MMRN1: variants seen among roughly 807,000 people sequenced by gnomAD.
The protein encoded by MMRN1 is multimerin 1.
MMRN1 carries 94 observed loss-of-function variants against 100.7 expected under a neutral mutation model. The ratio of observed to expected loss-of-function variants is 0.93; its 90% CI spans 0.79 to 1.11. The LOEUF (loss-of-function observed/expected upper bound fraction) is 1.11. MMRN1 is among the 50% of genes least tolerant of loss of function. The pLI is 0.00. For synonymous variants in MMRN1, 575 were observed against 505.0 expected (o/e 1.14, Z -1.86); for missense variants, 1,606 against 1,439.1 (o/e 1.12, Z -1.88).
chr4:89,914,894 G>A (rs143308273), intron 3 of MMRN1, among the ~76,000 whole-genome samples: 7 of 151,558 alleles, frequency 4.6e-5, no homozygotes, highest in African/African-American at 1.7e-4. Context: ...AGATTACAGA[G>A]GATGAAGAAA....
rs200896939 is a variant in MMRN1, at chr4:89,895,610, T to G, written c.623+16T>G. The G allele has an allele frequency of 6.2e-6, 10 of 1,601,038 alleles. No homozygotes were observed. The highest frequency in any genetic ancestry group is 8.5e-6 in the Non-Finnish European group (10 of 1,173,252). On this transcript the variant is annotated intron_variant, in intron 1 of 7. Transcript: ENST00000264790. ...CTAGAGGAAAGTAAGAAATCTTCTT[T>G]TCTTTTTGTTCTTTCTCTGTCTATC...
intron 4 of MMRN1, among the ~76,000 whole-genome samples, chr4:89,927,294 A>T (rs1560590953): frequency 6.6e-6 from 1 of 151,876 alleles, no homozygotes; most frequent in Non-Finnish European, 1.5e-5. Flanking sequence ...AATTTCTTTC[A>T]TTAGTGTTTT....
chr4:89,895,813 T>A (rs1426223349), intron 1 of MMRN1, among the ~76,000 whole-genome samples: 3 of 152,286 alleles, frequency 2.0e-5, no homozygotes, highest in East Asian at 3.9e-4. Flanking sequence ...ACTGAAATAA[T>A]CATTCACTTT....
Position 89,951,743 on chromosome 4 carries a change from TA to T in MMRN1, c.3258del (p.Ala1087LeufsTer25), listed in dbSNP as rs754631589. On this transcript the variant is annotated frameshift_variant, in exon 7 of 8. Transcript: ENST00000264790. LOFTEE classifies it high-confidence loss of function. ...ATCAAGCTTGTGGAAGAAAATGCTT[TA>T]GCTCCAGGTAAAAAAAAAGTATACG... The part of the protein sequence containing the change: ...CTIKLVEENA[L>X]APDFSKGSYR... 1.9e-6 allele frequency: 3 copies of T among 1,612,192 alleles called. No individual in the cohort carries two copies. Among genetic ancestry groups the T allele is most frequent in the Admixed American group, 3.3e-5 (2 of 59,706 alleles).
intron 1 of MMRN1, among the ~76,000 whole-genome samples, chr4:89,886,896 C>A (rs955891815): frequency 6.6e-6 from 1 of 151,976 alleles, no homozygotes; most frequent in African/African-American, 2.4e-5. Flanking sequence ...TTGAAATATA[C>A]AATGAACTAT....
At chr4:89,944,848 CGA>C (rs1282067091) in intron 6 of MMRN1, among the ~76,000 whole-genome samples, 1 of 152,106 alleles carries the variant, frequency 6.6e-6, no homozygotes, top group African/African-American at 2.4e-5. Context: ...TGAAACAACG[CGA>C]GTTTATTTGT....
Position 89,934,838 on chromosome 4 carries a change from G to C in MMRN1, c.1158G>C (p.Leu386=). The change falls in exon 6 of 8, where the codon CTG becomes CTC. Residue 386 remains leucine (L), a synonymous_variant. Coordinates refer to ENST00000264790, the MANE Select transcript of MMRN1 (RefSeq NM_007351.3). ...KGLKSKSINV[L]IRDIVREQFK... is the part of the protein sequence containing the mutation. Reference sequence around the variant, plus strand: ...TAAAATCCAAAAGCATTAATGTACTGATAAGAGACATAGTAAGAGAACAAT... The same window carrying C: ...TAAAATCCAAAAGCATTAATGTACTCATAAGAGACATAGTAAGAGAACAAT... 1.3e-6 allele frequency: 2 copies of C among 1,552,492 alleles called. No homozygotes were observed. Among genetic ancestry groups the C allele is most frequent in the Non-Finnish European group, 1.7e-6 (2 of 1,150,782 alleles).
rs139171187 is a variant in MMRN1, at chr4:89,895,210, A to C, written c.239A>C (p.Lys80Thr). The C allele has an allele frequency of 2.2e-3, 3,599 of 1,613,846 alleles. 16 individuals are homozygous for C. The highest frequency in any genetic ancestry group is 2.0e-3 in the Non-Finnish European group (2,352 of 1,179,900). The change falls in exon 1 of 8, where the codon AAA (lysine) becomes ACA (threonine). Residue 80 changes from lysine (K) to threonine (T), a missense_variant. By Grantham distance (78) the Lys-to-Thr change is moderately conservative. Transcript: ENST00000264790. Reference protein sequence around the residue: ...EARTSEDSLLKSTLPPSETSA... With the variant: ...EARTSEDSLLTSTLPPSETSA... Reference sequence around the variant, plus strand: ...AGAACTTCTGAAGACAGTCTTCTTAAATCAACACTGCCTCCCTCAGAAACA... The same window carrying C: ...AGAACTTCTGAAGACAGTCTTCTTACATCAACACTGCCTCCCTCAGAAACA...
chr4:89,888,478 T>C (rs1280395940), intron 1 of MMRN1, among the ~76,000 whole-genome samples: 1 of 151,752 alleles, frequency 6.6e-6, no homozygotes, highest in African/African-American at 2.4e-5. Context: ...CAATTGTGTC[T>C]CATCAATTTT....
At chr4:89,944,943 C>T (rs1722942308) in intron 6 of MMRN1, among the ~76,000 whole-genome samples, 1 of 152,080 alleles carries the variant, frequency 6.6e-6, no homozygotes. Flanking sequence ...GTCGTATAAC[C>T]TTCACCATAA....
chr4:89,937,302 A>C (rs1394382732), intron 6 of MMRN1, among the ~76,000 whole-genome samples: 2 of 152,066 alleles, frequency 1.3e-5, no homozygotes, highest in African/African-American at 4.8e-5. Flanking sequence ...TTTTGTAAAG[A>C]GTAGGGTGTC....
intron 6 of MMRN1, among the ~76,000 whole-genome samples, chr4:89,947,545 G>A (rs1445517449): frequency 6.6e-6 from 1 of 152,146 alleles, no homozygotes; most frequent in African/African-American, 2.4e-5. Flanking sequence ...CCTCATGAAA[G>A]CTCATACTCT....
In MMRN1 at chr4:89,951,425, C is replaced by G. The variant is rs1578508664; in HGVS notation, c.3119-180C>G. 6.4e-6 allele frequency: 3 copies of G among 469,262 alleles called. No homozygotes were observed. The East Asian group carries it at 1.1e-4, about 17-fold the overall frequency. The allele number at this position is 469,262 out of a possible 1,614,324, so 29.1% of individuals were successfully genotyped here. The stretch of plus-strand genomic sequence containing the variant: ...ACTTTACTGAAGGAGATAGAGAGAT[C>G]AGAGCTAAGGGATTTGCATGACGTC... On this transcript the variant is annotated intron_variant, in intron 6 of 7. Coordinates refer to ENST00000264790, the MANE Select transcript of MMRN1 (RefSeq NM_007351.3).
intron 5 of MMRN1, among the ~76,000 whole-genome samples, chr4:89,933,492 C>T (rs1184165676): frequency 6.6e-6 from 1 of 152,098 alleles, no homozygotes; most frequent in Non-Finnish European, 1.5e-5. Context: ...TTTTATGCAG[C>T]TATGAAATAG....
upstream of MMRN1, chr4:89,894,824 C>G: frequency 7.2e-7 from 1 of 1,380,564 alleles, no homozygotes; most frequent in African/African-American, 1.5e-5. Context: ...CCTGAGTACG[C>G]TACAAAACAC....
chr4:89,952,871 T>A, intron 7 of MMRN1, 126 bp from the exon 8 acceptor site: 4 of 896,220 alleles, frequency 4.5e-6, no homozygotes, highest in Non-Finnish European at 6.6e-6. Context: ...CTTTGCTAAG[T>A]TTGATGGATG....
upstream of MMRN1, among the ~76,000 whole-genome samples, chr4:89,890,932 T>G (rs1042109851): frequency 6.6e-6 from 1 of 152,020 alleles, no homozygotes. Context: ...AATTATATAA[T>G]TCATTAATTG....
At chr4:89,943,617 T>C (rs1474631022) in intron 6 of MMRN1, among the ~76,000 whole-genome samples, 1 of 152,204 alleles carries the variant, frequency 6.6e-6, no homozygotes, top group African/African-American at 2.4e-5. Flanking sequence ...TCAACAAATA[T>C]TACGTAAGTC....
chr4:89,920,552 A>G (rs1431802716), intron 3 of MMRN1, among the ~76,000 whole-genome samples: 1 of 152,108 alleles, frequency 6.6e-6, no homozygotes, highest in Non-Finnish European at 1.5e-5. Flanking sequence ...CTCTTTAAGG[A>G]ATTGTATGAG....
Sources: allele counts gnomAD v4.1 joint callset (sites outside exome capture counted in the v4.1 genomes callset), GRCh38; gene constraint gnomAD v4.1.1; transcripts MANE v1.5; gene names NCBI Gene and HGNC (gene_info 2026-07-23, HGNC 2026-07-21).